Variants in FAF1 observed in about 807,000 individuals in gnomAD.
FAF1 encodes the protein FAS-associated factor 1.
FAF1 carries 25 observed loss-of-function variants against 92.5 expected under a neutral mutation model. The ratio of observed to expected loss-of-function variants is 0.27; its 90% CI spans 0.20 to 0.38. The LOEUF is 0.38. Ranked by LOEUF, FAF1 falls within the 10% of genes least tolerant of loss-of-function variation. The pLI, the probability that FAF1 is intolerant of heterozygous loss-of-function variation, is 1.00. For synonymous variants in FAF1, 234 were observed against 273.2 expected (o/e 0.86, Z 1.42); for missense variants, 636 against 793.3 (o/e 0.80, Z 2.38).
At chr1:50,915,216 C>CA (rs1454176086) in intron 1 of FAF1, among the ~76,000 whole-genome samples, 1 of 151,966 alleles carries the variant, frequency 6.6e-6, no homozygotes, top group African/African-American at 2.4e-5. Flanking sequence ...ACTGAAAATA[C>CA]AAAATCAGCT....
At chr1:50,778,956 C>A (rs966107907) in intron 4 of FAF1, among the ~76,000 whole-genome samples, 38 of 152,160 alleles carry the variant, frequency 2.5e-4, no homozygotes, top group African/African-American at 9.2e-4. Context: ...ACTAGAATTT[C>A]TTTTACAGTT....
chr1:50,556,632 T>C (rs1264921455), intron 13 of FAF1, among the ~76,000 whole-genome samples: 1 of 152,020 alleles, frequency 6.6e-6, no homozygotes, highest in African/African-American at 2.4e-5. Context: ...GCTCAGGAAT[T>C]TGAGACCAGC....
intron 3 of FAF1, among the ~76,000 whole-genome samples, chr1:50,800,332 A>G (rs975585544): frequency 6.6e-6 from 1 of 152,240 alleles, no homozygotes; most frequent in African/African-American, 2.4e-5. Context: ...TGGCACAAAA[A>G]GTGGCAATAA....
intron 17 of FAF1, among the ~76,000 whole-genome samples, chr1:50,482,926 G>T (rs1646719937): frequency 6.6e-6 from 1 of 151,950 alleles, no homozygotes; most frequent in Non-Finnish European, 1.5e-5. Flanking sequence ...CTTGTCTGTG[G>T]CTTGTTTTTT....
rs1557590438 is a variant in FAF1, at chr1:50,922,478, A to AAAAAG, written c.45+37284_45+37288dup. Among the ~76,000 whole-genome samples the AAAAAG allele has an allele frequency of 2.1e-4, 31 of 146,180 alleles. 1 individual carries two copies. The highest frequency in any genetic ancestry group is 5.6e-4 in the African/African-American group (22 of 38,942). ...TGCCTCAAAAAAAAAAAAAAAAAAA[A>AAAAAG]AAAAGAAAAGAGAGAGAGAAGAGAA... On this transcript the variant is annotated intron_variant, in intron 1 of 18. Transcript: ENST00000396153.
intron 8 of FAF1, among the ~76,000 whole-genome samples, chr1:50,600,482 C>T (rs961973416): frequency 6.6e-6 from 1 of 152,006 alleles, no homozygotes; most frequent in African/African-American, 2.4e-5. Flanking sequence ...TTGAAAGTAA[C>T]ATTTAGCTTT....
intron 7 of FAF1, among the ~76,000 whole-genome samples, chr1:50,681,394 A>C (rs1237402456): frequency 3.3e-5 from 5 of 152,082 alleles, no homozygotes; most frequent in Non-Finnish European, 5.9e-5. Flanking sequence ...GCATGGTTTT[A>C]TTAAAATTTC....
At chr1:50,546,420 C>A (rs1356216703) in intron 13 of FAF1, among the ~76,000 whole-genome samples, 1 of 152,048 alleles carries the variant, frequency 6.6e-6, no homozygotes, top group Non-Finnish European at 1.5e-5. Flanking sequence ...GGCTGGAGTG[C>A]GGTGGTGCAA....
At chr1:50,946,931 G>A (rs1645176458) in intron 1 of FAF1, among the ~76,000 whole-genome samples, 1 of 152,114 alleles carries the variant, frequency 6.6e-6, no homozygotes, top group East Asian at 1.9e-4. Flanking sequence ...AAGGCTGTTA[G>A]GAATACAAAA....
At chr1:50,817,365 C>T (rs1643988898) in intron 2 of FAF1, among the ~76,000 whole-genome samples, 1 of 152,150 alleles carries the variant, frequency 6.6e-6, no homozygotes, top group Non-Finnish European at 1.5e-5. Flanking sequence ...AGATATTATA[C>T]TAAGTGAAAT....
chr1:50,442,816 A>G (rs1378207602), intron 18 of FAF1, among the ~76,000 whole-genome samples: 9 of 152,188 alleles, frequency 5.9e-5, no homozygotes, highest in Admixed American at 5.9e-4. Context: ...ATCTAGATGG[A>G]AACCTGGTAT....
chr1:50,621,383 CT>C (rs1055594541), intron 8 of FAF1, among the ~76,000 whole-genome samples: 1 of 110,732 alleles, frequency 9.0e-6, no homozygotes, highest in Non-Finnish European at 1.9e-5. Context: ...CCCGATCTTT[CT>C]TTTTTTCTTT....
chr1:50,776,630 G>A (rs1171517861), intron 4 of FAF1, among the ~76,000 whole-genome samples: 1 of 151,298 alleles, frequency 6.6e-6, no homozygotes. Flanking sequence ...GCAACAAGAT[G>A]GCAGTTAAAA....
intron 6 of FAF1, among the ~76,000 whole-genome samples, chr1:50,721,241 GGAGATAAGTGAGAC>G (rs1382307960): frequency 1.3e-5 from 2 of 151,264 alleles, no homozygotes; most frequent in Non-Finnish European, 3.0e-5. Context: ...CCACCAGGCT[GGAGATAAGTGAGAC>G]GAGTCTCACT....
chr1:50,599,890 G>A (rs1652015392), intron 8 of FAF1, among the ~76,000 whole-genome samples: 1 of 152,118 alleles, frequency 6.6e-6, no homozygotes, highest in Non-Finnish European at 1.5e-5. Flanking sequence ...ACTGTTTTGG[G>A]TTTTGGAATA....
chr1:50,933,356 T>C (rs373561387), intron 1 of FAF1, among the ~76,000 whole-genome samples: 8 of 152,076 alleles, frequency 5.3e-5, no homozygotes, highest in Non-Finnish European at 8.8e-5. Flanking sequence ...CCCTAAATCA[T>C]CTCCCTCAAG....
At chr1:50,884,280 C>G (rs181760532) in intron 1 of FAF1, among the ~76,000 whole-genome samples, 186 of 151,688 alleles carry the variant, frequency 1.2e-3, no homozygotes, top group Non-Finnish European at 2.0e-3. Flanking sequence ...TTTGGGAGGC[C>G]GAGGCGGATG....
At chr1:50,935,546 C>T (rs1645079518) in intron 1 of FAF1, among the ~76,000 whole-genome samples, 1 of 151,412 alleles carries the variant, frequency 6.6e-6, no homozygotes, top group Admixed American at 6.6e-5. Flanking sequence ...TATCAGCTCA[C>T]TGCAACCTCT....
intron 1 of FAF1, among the ~76,000 whole-genome samples, chr1:50,885,237 G>A (rs1644649008): frequency 6.6e-6 from 1 of 151,842 alleles, no homozygotes; most frequent in Non-Finnish European, 1.5e-5. Flanking sequence ...TTGATCTTGT[G>A]TATGTTGAAG....
Sources: gnomAD v4.1 joint callset for allele counts (sites outside exome capture counted in the v4.1 genomes callset) on GRCh38, gnomAD v4.1.1 for gene constraint, MANE v1.5 for transcripts, NCBI Gene and HGNC (gene_info 2026-07-23, HGNC 2026-07-21) for gene names.